Variants in FAF1 observed in about 807,000 individuals in gnomAD.
The protein encoded by FAF1 is FAS-associated factor 1.
FAF1 carries 25 observed loss-of-function variants against 92.5 expected under a neutral mutation model. That is an observed-to-expected ratio of 0.27 (90% CI 0.20 to 0.38). The LOEUF is 0.38. FAF1 is among the 10% of genes least tolerant of loss of function. The pLI is 1.00. For missense variants in FAF1, 636 were observed against 793.3 expected (o/e 0.80, Z 2.38); for synonymous variants, 234 against 273.2 (o/e 0.86, Z 1.42).
chr1:50,580,275 G>A (rs1470233220), intron 12 of FAF1, among the ~76,000 whole-genome samples: 1 of 150,956 alleles, frequency 6.6e-6, no homozygotes, highest in Non-Finnish European at 1.5e-5. Context: ...TTTAATCAGA[G>A]GAACTGAAAC....
At chr1:50,576,453 A>G (rs1172997606) in intron 12 of FAF1, among the ~76,000 whole-genome samples, 2 of 152,198 alleles carry the variant, frequency 1.3e-5, no homozygotes, top group African/African-American at 4.8e-5. Context: ...GGAAAGGAAC[A>G]ATCCTTCACA....
At chr1:50,863,935 A>G (rs1262760458) in intron 1 of FAF1, among the ~76,000 whole-genome samples, 2 of 151,692 alleles carry the variant, frequency 1.3e-5, no homozygotes, top group East Asian at 3.9e-4. Context: ...GTCTTGGGAG[A>G]GTGTATGTGT....
intron 6 of FAF1, among the ~76,000 whole-genome samples, chr1:50,731,331 G>C (rs1192563168): frequency 2.0e-5 from 3 of 151,948 alleles, no homozygotes; most frequent in African/African-American, 7.3e-5. Context: ...CAATTTAGCT[G>C]GGGGCTCTCA....
chr1:50,666,161 G>A (rs1437868810), intron 7 of FAF1, among the ~76,000 whole-genome samples: 7 of 151,172 alleles, frequency 4.6e-5, no homozygotes, highest in Non-Finnish European at 8.8e-5. Flanking sequence ...TGATCTGCCC[G>A]CCTTGGCCTC....
chr1:50,743,566 G>T (rs1316092177), intron 5 of FAF1, among the ~76,000 whole-genome samples: 1 of 151,894 alleles, frequency 6.6e-6, no homozygotes, highest in Non-Finnish European at 1.5e-5. Context: ...GACCTCAGGT[G>T]ATTCACTTGC....
intron 15 of FAF1, among the ~76,000 whole-genome samples, chr1:50,499,545 C>T (rs1001995030): frequency 4.0e-5 from 6 of 151,574 alleles, no homozygotes; most frequent in Admixed American, 1.3e-4. Flanking sequence ...TCTGATAAGG[C>T]AAGAAAAATT....
At chr1:50,539,833 A>G in intron 13 of FAF1, 105 bp from the exon 14 acceptor site, 1 of 746,112 alleles carries the variant, frequency 1.3e-6, no homozygotes, top group East Asian at 2.7e-5. Context: ...TAAATTAGAC[A>G]GCCTGCCTGA....
At chr1:50,710,449 G>A (rs146049338) in intron 6 of FAF1, among the ~76,000 whole-genome samples, 1 of 152,114 alleles carries the variant, frequency 6.6e-6, no homozygotes, top group Non-Finnish European at 1.5e-5. Context: ...ACCTCGACAA[G>A]TCATTCATTC....
At chr1:50,738,807 C>T (rs1256614423) in intron 6 of FAF1, 56 bp downstream of exon 6, 4 of 1,177,772 alleles carry the variant, frequency 3.4e-6, no homozygotes, top group Non-Finnish European at 5.0e-6. Flanking sequence ...CAACTTAAAG[C>T]AATTTTAACA....
At chr1:50,759,395 T>A (rs1442102384) in intron 4 of FAF1, among the ~76,000 whole-genome samples, 3 of 147,932 alleles carry the variant, frequency 2.0e-5, no homozygotes, top group Non-Finnish European at 3.0e-5. Context: ...AGTGAGAATA[T>A]GCAGTGTTTG....
At chr1:50,819,671 C>G (rs1644014748) in intron 2 of FAF1, among the ~76,000 whole-genome samples, 1 of 132,376 alleles carries the variant, frequency 7.6e-6, no homozygotes, top group Non-Finnish European at 1.6e-5. Flanking sequence ...CACACACACT[C>G]TCTCTCTGTA....
At chr1:50,775,599 C>A (rs1360737274) in intron 4 of FAF1, among the ~76,000 whole-genome samples, 1 of 151,790 alleles carries the variant, frequency 6.6e-6, no homozygotes, top group Non-Finnish European at 1.5e-5. Flanking sequence ...AAATACAGAG[C>A]CACTGAAAGG....
chr1:50,621,400 T>TC (rs1253786430), intron 8 of FAF1, among the ~76,000 whole-genome samples: 1,625 of 128,574 alleles, frequency 0.013, 38 homozygotes, highest in African/African-American at 0.045. Context: ...TCTTTTTTTT[T>TC]TTTTTTTTTT....
rs976318152 is a variant in FAF1 at position 50,761,802 on chromosome 1, C to T, written c.368-17027G>A. On this transcript the variant is annotated intron_variant, in intron 4 of 18. Transcript: ENST00000396153. Reference sequence around the variant, plus strand: ...ACAAGACAGGGATGCCCTCTCTCACCGCTCCTATTCAACATAGTGTTGGAA... The same window carrying T: ...ACAAGACAGGGATGCCCTCTCTCACTGCTCCTATTCAACATAGTGTTGGAA... 1.2e-4 allele frequency among the ~76,000 whole-genome samples: 18 copies of T among 152,198 alleles called. No homozygotes were observed. In the South Asian group the frequency reaches 1.9e-3, roughly 16 times the overall value.
At chr1:50,916,961 A>G (rs1250109240) in intron 1 of FAF1, among the ~76,000 whole-genome samples, 1 of 152,180 alleles carries the variant, frequency 6.6e-6, no homozygotes, top group African/African-American at 2.4e-5. Flanking sequence ...GTCCTAGGTA[A>G]CTGGCAATGA....
intron 7 of FAF1, among the ~76,000 whole-genome samples, chr1:50,690,275 C>T (rs1173031476): frequency 2.0e-5 from 3 of 151,934 alleles, no homozygotes; most frequent in East Asian, 2.0e-4. Flanking sequence ...CGTGAGCCAC[C>T]GCACCCGGCA....
chr1:50,559,088 T>A (rs1181380807), intron 13 of FAF1, among the ~76,000 whole-genome samples: 1 of 152,026 alleles, frequency 6.6e-6, no homozygotes, highest in Non-Finnish European at 1.5e-5. Context: ...CCATCTCTAC[T>A]AAAAATACAA....
Position 50,752,254 on chromosome 1 carries a change from G to T in FAF1, c.368-7479C>A, listed in dbSNP as rs952397227. Among the ~76,000 whole-genome samples the T allele has an allele frequency of 3.9e-5, 6 of 152,184 alleles. No homozygotes were observed. In the South Asian group the frequency reaches 6.2e-4, roughly 16 times the overall value. On this transcript the variant is annotated intron_variant, in intron 4 of 18. Coordinates refer to ENST00000396153, the MANE Select transcript of FAF1 (RefSeq NM_007051.3). ...CCCAAAGTGCTAGGATTACAGGTGT[G>T]AGCCACCATGCCAGGCCCTTTTTGT... is the stretch of plus-strand genomic sequence containing the variant.
At chr1:50,729,305 T>A (rs923655980) in intron 6 of FAF1, among the ~76,000 whole-genome samples, 58 of 151,856 alleles carry the variant, frequency 3.8e-4, no homozygotes, top group Non-Finnish European at 6.6e-4. Context: ...TCCACCTGCC[T>A]CGGCCTCCCA....
Sources: gnomAD v4.1 joint callset for allele counts (sites outside exome capture counted in the v4.1 genomes callset) on GRCh38, gnomAD v4.1.1 for gene constraint, MANE v1.5 for transcripts, NCBI Gene and HGNC (gene_info 2026-07-23, HGNC 2026-07-21) for gene names.